Variants in ANKRD27 observed in about 807,000 individuals in gnomAD.
The protein encoded by ANKRD27 is ankyrin repeat domain-containing protein 27.
ANKRD27 carries 112 observed loss-of-function variants against 129.7 expected under a neutral mutation model. The ratio of observed to expected loss-of-function variants is 0.86; its 90% confidence interval spans 0.74 to 1.01. The LOEUF (loss-of-function observed/expected upper bound fraction) is 1.01, where lower values mean the gene tolerates loss of function less well. Among genes scored for constraint, ANKRD27 ranks in the 50% least tolerant of loss-of-function variants. ANKRD27 has a pLI of 0.00. For missense variants in ANKRD27, 1,258 were observed against 1,300.5 expected (o/e 0.97, Z 0.50); for synonymous variants, 516 against 511.2 (o/e 1.01, Z -0.13).
chr19:32,598,617 T>C (rs1971606025), intron 28 of ANKRD27, among the ~76,000 whole-genome samples: 1 of 152,176 alleles, frequency 6.6e-6, no homozygotes, highest in African/African-American at 2.4e-5. Flanking sequence ...TGTACTACTA[T>C]TGTTATCCCC....
intron 1 of ANKRD27, among the ~76,000 whole-genome samples, chr19:32,674,573 C>A (rs548715848): frequency 8.1e-5 from 1 of 12,420 alleles, no homozygotes; most frequent in Non-Finnish European, 2.5e-4. Flanking sequence ...ATGCAGAGAC[C>A]CCCCCGCCCT....
chr19:32,641,065 ATTT>A (rs935946072), intron 10 of ANKRD27, among the ~76,000 whole-genome samples: 2 of 150,534 alleles, frequency 1.3e-5, no homozygotes, highest in Non-Finnish European at 3.0e-5. Flanking sequence ...TGCCCAGCTA[ATTT>A]TTTTTTGCAT....
chr19:32,643,830 A>C (rs1967249691), intron 5 of ANKRD27, 199 bp from the exon 6 acceptor site: 1 of 594,532 alleles, frequency 1.7e-6, no homozygotes, highest in African/African-American at 1.9e-5. Flanking sequence ...AACACAGAGG[A>C]TAATAATACT....
In ANKRD27 at chr19:32,598,374, C is replaced by T. The variant is rs756494193; in HGVS notation, c.2924G>A (p.Gly975Glu). 2 of 1,614,120 alleles carry T rather than the reference C, an allele frequency of 1.2e-6. No individual in the cohort carries two copies. Among genetic ancestry groups the T allele is most frequent in the Non-Finnish European group, 1.7e-6 (2 of 1,179,992 alleles). Residue 975 changes from glycine (G) to glutamate (E), a missense_variant, in exon 29 of 29, where the codon GGG becomes GAG. By Grantham distance (98) the Gly-to-Glu change is moderately conservative (BLOSUM62 -2). Transcript: ENST00000306065. ...NLTEGSLHEP[G>E]RQSVTLRQNN... The stretch of plus-strand genomic sequence containing the variant: ...CTGTCTCAGTGTGACACTTTGCCTC[C>T]CTGGCTAAAGAAAAAGTACATTTTT...
intron 1 of ANKRD27, among the ~76,000 whole-genome samples, chr19:32,663,865 G>A (rs1967693031): frequency 6.6e-6 from 1 of 151,504 alleles, no homozygotes; most frequent in South Asian, 2.1e-4. Flanking sequence ...GACCATCCCG[G>A]CTAAAACGGT....
At position 32,624,121 on chromosome 19, in the gene ANKRD27, C is replaced by T. The variant is rs963550664; in HGVS notation, c.1630-1502G>A. Among the ~76,000 whole-genome samples the T allele has an allele frequency of 2.7e-4, 41 of 151,976 alleles. 1 individual carries two copies. The highest frequency in any genetic ancestry group is 2.9e-5 in the Non-Finnish European group (2 of 68,010). On this transcript the variant is annotated intron_variant, in intron 17 of 28. Coordinates refer to ENST00000306065, the MANE Select transcript of ANKRD27 (RefSeq NM_032139.3). ...GTGGCTCACGCCTGTAATCCCAGCA[C>T]TTTGGGAGGCTGAGGCAGGCGGATC...
intron 2 of ANKRD27, among the ~76,000 whole-genome samples, chr19:32,656,857 C>G (rs1237061496): frequency 6.6e-6 from 1 of 151,218 alleles, no homozygotes; most frequent in Non-Finnish European, 1.5e-5. Context: ...AGCAAAGTAT[C>G]TTGTATACAG....
intron 12 of ANKRD27, 147 bp downstream of exon 12, chr19:32,639,209 T>C: frequency 1.1e-6 from 1 of 938,862 alleles, no homozygotes; most frequent in Non-Finnish European, 1.6e-6. Context: ...CACTGAGTGA[T>C]TTTTAAGACT....
chr19:32,671,105 A>T (rs1192266963), intron 1 of ANKRD27, among the ~76,000 whole-genome samples: 1 of 151,748 alleles, frequency 6.6e-6, no homozygotes, highest in African/African-American at 2.4e-5. Context: ...GACCAGCCTG[A>T]GCAACAAAGT....
intron 22 of ANKRD27, among the ~76,000 whole-genome samples, chr19:32,615,300 G>T (rs1052798301): frequency 3.3e-5 from 5 of 152,200 alleles, no homozygotes; most frequent in African/African-American, 1.2e-4. Flanking sequence ...GGAAGAATTT[G>T]CTGGCCAGGA....
At chr19:32,668,777 G>A (rs1967809828) in intron 1 of ANKRD27, among the ~76,000 whole-genome samples, 1 of 151,066 alleles carries the variant, frequency 6.6e-6, no homozygotes, top group Non-Finnish European at 1.5e-5. Flanking sequence ...TACAGATGGG[G>A]TCTCGCTACA....
chr19:32,673,233 G>A, intron 1 of ANKRD27: 6 of 943,712 alleles, frequency 6.4e-6, no homozygotes, highest in Non-Finnish European at 6.3e-6. Flanking sequence ...GTGTAACTTG[G>A]GAATGTAAGT....
intron 12 of ANKRD27, 65 bp downstream of exon 12, chr19:32,639,291 C>G: frequency 6.2e-7 from 1 of 1,605,644 alleles, no homozygotes; most frequent in Non-Finnish European, 8.5e-7. Context: ...CATACCAACC[C>G]CAGCACCCTA....
At chr19:32,601,111 C>T (rs758975505) in intron 26 of ANKRD27, among the ~76,000 whole-genome samples, 20 of 149,442 alleles carry the variant, frequency 1.3e-4, no homozygotes, top group South Asian at 1.1e-3. Context: ...CCAGCCTGGC[C>T]AACATTGTGA....
At chr19:32,634,478 C>T (rs1257057210) in intron 12 of ANKRD27, among the ~76,000 whole-genome samples, 1 of 152,220 alleles carries the variant, frequency 6.6e-6, no homozygotes, top group Non-Finnish European at 1.5e-5. Flanking sequence ...GAGGGCAGAA[C>T]CAGGGTCCAA....
At chr19:32,604,542 C>A in intron 24 of ANKRD27, 118 bp from the exon 25 acceptor site, 4 of 1,124,266 alleles carry the variant, frequency 3.6e-6, no homozygotes, top group South Asian at 2.4e-5. Context: ...CTGAAAGTTT[C>A]CTTAAAATTT....
rs767824790 is a variant in ANKRD27 at position 32,631,417 on chromosome 19, G to T, written c.1194C>A (p.Thr398=). The T allele has an allele frequency of 1.9e-6, 3 of 1,614,014 alleles. No homozygotes were observed. The highest frequency in any genetic ancestry group is 1.7e-4 in the Middle Eastern group (1 of 6,060). ...SLLSQMTSSP[T]DCLFKHIASG... is the part of the protein sequence containing the mutation. ...GGTATCTCACCTTAAACAGGCAGTC[G>T]GTGGGAGACGAAGTCATCTGAGAGA... is the stretch of plus-strand genomic sequence containing the variant. The change falls in exon 13 of 29, where the codon ACC becomes ACA. Residue 398 remains threonine (T), a synonymous_variant. Transcript: ENST00000306065.
Position 32,628,796 on chromosome 19 carries a change from G to C in ANKRD27, c.1263C>G (p.Asp421Glu), listed in dbSNP as rs780519932. ...KEVERLLSQE[D>E]HDKDTVQKMC... ...TCTTTTGGACGGTATCTTTATCATG[G>C]TCCTCTTGGCTCAGAAGTCTCTCCA... Residue 421 changes from aspartate to glutamate, a missense_variant, in exon 14 of 29, where the codon GAC becomes GAG. Physicochemically the swap from Asp to Glu is conservative, Grantham distance 45 (BLOSUM62 2). Transcript: ENST00000306065. 6.2e-7 allele frequency: 1 copy of C among 1,614,106 alleles called. No individual in the cohort carries two copies. The highest frequency in any genetic ancestry group is 2.2e-5 in the East Asian group (1 of 44,878).
chr19:32,599,613 TGA>T (rs1207994067), intron 28 of ANKRD27, 89 bp downstream of exon 28: 7 of 1,159,030 alleles, frequency 6.0e-6, no homozygotes, highest in African/African-American at 1.5e-5. Flanking sequence ...ATAATGAAGA[TGA>T]CGATCAAGGA....
Sources: allele counts gnomAD v4.1 joint callset (sites outside exome capture counted in the v4.1 genomes callset), GRCh38; gene constraint gnomAD v4.1.1; transcripts MANE v1.5; gene names NCBI Gene and HGNC (gene_info 2026-07-23, HGNC 2026-07-21).